The following GATAD2B variants were observed in gnomAD, a reference collection of about 807,000 sequenced individuals.
GATAD2B encodes the protein transcriptional repressor p66-beta.
Under a neutral mutation model 64.3 loss-of-function variants are expected in GATAD2B, and 8 were observed. The ratio of observed to expected loss-of-function variants is 0.12; its 90% CI spans 0.07 to 0.22. The LOEUF (loss-of-function observed/expected upper bound fraction) is 0.22, where lower values mean the gene tolerates loss of function less well. Among genes scored for constraint, GATAD2B ranks in the 10% least tolerant of loss-of-function variants. The probability of loss-of-function intolerance (pLI) is 1.00; values close to 1 mark genes in which losing one functional copy is unlikely to be tolerated. For synonymous variants in GATAD2B, 281 were observed against 271.3 expected, an observed-to-expected ratio of 1.04 and a Z score of -0.35; for missense variants, 453 against 752.0, an observed-to-expected ratio of 0.60 and a Z score of 4.65.
intron 1 of GATAD2B, among the ~76,000 whole-genome samples, chr1:153,841,973 T>C (rs1276617759): frequency 6.6e-6 from 1 of 152,150 alleles, no homozygotes; most frequent in Non-Finnish European, 1.5e-5. Flanking sequence ...TTTATTACTG[T>C]TATTTAATAG....
intron 7 of GATAD2B, among the ~76,000 whole-genome samples, chr1:153,814,481 A>C (rs1674389792): frequency 6.6e-6 from 1 of 152,196 alleles, no homozygotes; most frequent in Admixed American, 6.5e-5. Context: ...CATTAAAAAC[A>C]GAAGTTCCAG....
At chr1:153,814,977 C>CAA (rs58167495) in intron 7 of GATAD2B, among the ~76,000 whole-genome samples, 13 of 107,270 alleles carry the variant, frequency 1.2e-4, no homozygotes, top group African/African-American at 3.3e-4. Context: ...GATTCCATCT[C>CAA]AAAAAAAAAA....
chr1:153,911,494 G>C (rs944797028), intron 1 of GATAD2B, among the ~76,000 whole-genome samples: 1 of 152,156 alleles, frequency 6.6e-6, no homozygotes, highest in Non-Finnish European at 1.5e-5. Context: ...CAGCACTTTG[G>C]GAGGCCGAGG....
intron 1 of GATAD2B, among the ~76,000 whole-genome samples, chr1:153,847,599 G>T (rs1015516900): frequency 1.3e-5 from 2 of 151,898 alleles, no homozygotes; most frequent in African/African-American, 4.8e-5. Context: ...TAAGATCTTT[G>T]TCTTTAGTGT....
chr1:153,819,260 C>T (rs2101882702), intron 3 of GATAD2B, among the ~76,000 whole-genome samples: 1 of 152,330 alleles, frequency 6.6e-6, no homozygotes, highest in African/African-American at 2.4e-5. Context: ...TACATAAAAA[C>T]TTAGGAATCC....
intron 1 of GATAD2B, among the ~76,000 whole-genome samples, chr1:153,895,195 G>T (rs1043613749): frequency 2.0e-5 from 3 of 152,078 alleles, no homozygotes; most frequent in Admixed American, 2.0e-4. Context: ...AGCTGGGCGT[G>T]GTGGAACGTG....
At chr1:153,893,889 CG>C (rs1570995629) in intron 1 of GATAD2B, among the ~76,000 whole-genome samples, 1 of 123,652 alleles carries the variant, frequency 8.1e-6, no homozygotes, top group East Asian at 2.8e-4. Flanking sequence ...ACCTGGGAGG[CG>C]GGGGCTGCAG....
intron 1 of GATAD2B, among the ~76,000 whole-genome samples, chr1:153,889,433 A>C (rs1677294687): frequency 6.6e-6 from 1 of 151,168 alleles, no homozygotes; most frequent in Non-Finnish European, 1.5e-5. Flanking sequence ...AAAAAAAAAA[A>C]AAACACACAA....
intron 1 of GATAD2B, among the ~76,000 whole-genome samples, chr1:153,921,553 C>T (rs1485407923): frequency 6.6e-6 from 1 of 152,070 alleles, no homozygotes; most frequent in African/African-American, 2.4e-5. Context: ...TTCGCCTCTG[C>T]TGAAATGTAT....
intron 1 of GATAD2B, among the ~76,000 whole-genome samples, chr1:153,832,352 A>C (rs1442807395): frequency 6.6e-6 from 1 of 152,266 alleles, no homozygotes; most frequent in Non-Finnish European, 1.5e-5. Flanking sequence ...GTTTTAGTGC[A>C]CTGGCAAGAT....
In GATAD2B at chr1:153,808,428, G is replaced by C. The variant is rs1674174115; in HGVS notation, c.*1749C>G. The C allele has an allele frequency of 6.6e-6, 1 of 152,600 alleles. No homozygotes were observed. Among genetic ancestry groups the C allele is most frequent in the African/African-American group, 2.4e-5 (1 of 41,432 alleles). 9.5% of individuals were successfully genotyped at this position (152,600 alleles called of 1,614,324 possible). ...TCCCACCCCACCTCCAAATTTTATGGGGAAGGTGTGCAGTTCATGTGTGTG... is the reference window on the plus strand; with the variant it reads ...TCCCACCCCACCTCCAAATTTTATGCGGAAGGTGTGCAGTTCATGTGTGTG... On this transcript the variant is annotated 3_prime_UTR_variant, in exon 11 of 11. Coordinates refer to ENST00000368655, the MANE Select transcript of GATAD2B (RefSeq NM_020699.4).
intron 4 of GATAD2B, among the ~76,000 whole-genome samples, chr1:153,818,377 T>C (rs12745616): frequency 6.7e-6 from 1 of 149,112 alleles, no homozygotes; most frequent in African/African-American, 2.5e-5. Flanking sequence ...TGCAGTGGCC[T>C]GATCTCGGCT....
rs565919930 is a variant in GATAD2B, at chr1:153,879,692, G to A, written c.-2+43041C>T. 1.4e-4 allele frequency among the ~76,000 whole-genome samples: 21 copies of A among 149,272 alleles called. No homozygotes were observed. In the East Asian group the frequency reaches 4.0e-3, roughly 28 times the overall value. On this transcript the variant is annotated intron_variant, in intron 1 of 10. Transcript: ENST00000368655. ...GCAGGAGAATCGCTTGAACCCAGGA[G>A]TCGGAGGTTGCAGCGAGCCAACAAT... is the stretch of plus-strand genomic sequence containing the variant.
At chr1:153,918,582 C>G (rs1031717835) in intron 1 of GATAD2B, among the ~76,000 whole-genome samples, 1 of 152,086 alleles carries the variant, frequency 6.6e-6, no homozygotes, top group African/African-American at 2.4e-5. Flanking sequence ...ATGAGACAAG[C>G]CGAAGAAAGC....
At chr1:153,893,550 C>A (rs1161823083) in intron 1 of GATAD2B, among the ~76,000 whole-genome samples, 1 of 151,656 alleles carries the variant, frequency 6.6e-6, no homozygotes, top group Non-Finnish European at 1.5e-5. Flanking sequence ...GCAGAGGTTG[C>A]AGTGAGCCGA....
intron 1 of GATAD2B, among the ~76,000 whole-genome samples, chr1:153,876,337 G>A (rs748432461): frequency 1.4e-5 from 2 of 146,616 alleles, no homozygotes; most frequent in Admixed American, 6.9e-5. Flanking sequence ...CTTAACCATC[G>A]TACTATGCTA....
intron 1 of GATAD2B, among the ~76,000 whole-genome samples, chr1:153,911,085 G>A (rs1678097017): frequency 6.6e-6 from 1 of 152,094 alleles, no homozygotes; most frequent in Admixed American, 6.6e-5. Flanking sequence ...CATATTCTCT[G>A]GAACACAGAT....
At chr1:153,834,352 A>C (rs929827819) in intron 1 of GATAD2B, among the ~76,000 whole-genome samples, 9 of 151,570 alleles carry the variant, frequency 5.9e-5, no homozygotes, top group Non-Finnish European at 1.3e-4. Flanking sequence ...CCTGGAAATT[A>C]TTTACCATTG....
intron 1 of GATAD2B, among the ~76,000 whole-genome samples, chr1:153,888,319 A>G (rs1677246973): frequency 6.6e-6 from 1 of 152,186 alleles, no homozygotes; most frequent in African/African-American, 2.4e-5. Flanking sequence ...AGTATTTAAT[A>G]CCTACAGAAT....
Sources: allele counts gnomAD v4.1 joint callset (sites outside exome capture counted in the v4.1 genomes callset), GRCh38; gene constraint gnomAD v4.1.1; transcripts MANE v1.5; gene names NCBI Gene and HGNC (gene_info 2026-07-23, HGNC 2026-07-21).